The following BNIP1 variants were observed in gnomAD, a reference collection of about 807,000 sequenced individuals.
BNIP1 encodes the protein BCL2 interacting protein 1, also known as vesicle transport protein SEC20.
BNIP1 carries 25 observed loss-of-function variants against 28.5 expected under a neutral mutation model. The observed-to-expected ratio is 0.88, with a 90% CI of 0.64 to 1.23. The LOEUF is 1.23. BNIP1 is among the 50% of genes most tolerant of loss of function. BNIP1 has a pLI of 0.00. For synonymous variants in BNIP1, 118 were observed against 101.7 expected, an observed-to-expected ratio of 1.16 and a Z score of -0.96; for missense variants, 276 against 277.0, an observed-to-expected ratio of 1.00 and a Z score of 0.02.
At position 173,151,665 on chromosome 5, in the gene BNIP1, A is replaced by G. The variant is rs1445486250; in HGVS notation, c.178-2657A>G. 6 of 1,613,486 alleles carry G rather than the reference A, an allele frequency of 3.7e-6. No homozygotes were observed. The Admixed American group carries it at 1.0e-4, about 27-fold the overall frequency. Reference sequence around the variant, plus strand: ...CTTTTCTTCAACTCAGCATGACTTCAACTCTCCAACTACACCTGTTACCTT... The same window carrying G: ...CTTTTCTTCAACTCAGCATGACTTCGACTCTCCAACTACACCTGTTACCTT... On this transcript the variant is annotated intron_variant, in intron 2 of 5. Coordinates refer to ENST00000351486, the MANE Select transcript of BNIP1 (RefSeq NM_001205.3).
chr5:173,144,835 T>C, intron 1 of BNIP1: 1 of 561,256 alleles, frequency 1.8e-6, no homozygotes, highest in Admixed American at 3.2e-5. Flanking sequence ...TGCCGCCGGA[T>C]CTCCCATCCC....
chr5:173,154,720 G>A (rs573320770), intron 3 of BNIP1, among the ~76,000 whole-genome samples: 2 of 152,102 alleles, frequency 1.3e-5, no homozygotes, highest in East Asian at 1.9e-4. Context: ...ACAGAGTTTC[G>A]CTGTGTTGGC....
chr5:173,160,128 G>T (rs1180657209), intron 5 of BNIP1, 77 bp downstream of exon 5: 8 of 1,354,590 alleles, frequency 5.9e-6, no homozygotes, highest in Non-Finnish European at 7.2e-6. Flanking sequence ...CTCCACTCTG[G>T]GCTCCTCCAC....
intron 3 of BNIP1, among the ~76,000 whole-genome samples, chr5:173,155,871 G>T (rs1760172356): frequency 6.6e-6 from 1 of 151,928 alleles, no homozygotes; most frequent in Non-Finnish European, 1.5e-5. Context: ...ACACTCCACC[G>T]TGCCTGGCTA....
At chr5:173,159,551 C>A (rs1413948126) in intron 4 of BNIP1, among the ~76,000 whole-genome samples, 1 of 151,112 alleles carries the variant, frequency 6.6e-6, no homozygotes. Flanking sequence ...AATACAATTC[C>A]CTGTGTGTGT....
rs1760313096 is a variant in BNIP1, at chr5:173,159,966, C to T, written c.405C>T (p.Ser135=). The change falls in exon 5 of 6, where the codon TCC becomes TCT. Residue 135 remains serine (S), a synonymous_variant. Coordinates refer to ENST00000351486, the MANE Select transcript of BNIP1 (RefSeq NM_001205.3). The stretch of plus-strand genomic sequence containing the variant: ...CCAAAGAGAGCCTGGCCCAGACATC[C>T]AGTACCATCACTGAGAGCCTCATGG... ...KTTKESLAQT[S]STITESLMGI... The T allele has an allele frequency of 6.2e-7, 1 of 1,614,174 alleles. No homozygotes were observed. The highest frequency in any genetic ancestry group is 8.5e-7 in the Non-Finnish European group (1 of 1,180,028).
intron 1 of BNIP1, among the ~76,000 whole-genome samples, chr5:173,146,614 A>G (rs1000785946): frequency 6.6e-6 from 1 of 152,222 alleles, no homozygotes; most frequent in African/African-American, 2.4e-5. Flanking sequence ...TTTAGGCACT[A>G]AAAATTAGGT....
intron 5 of BNIP1, chr5:173,161,745 G>C (rs1041882857): frequency 4.6e-5 from 7 of 152,226 alleles, no homozygotes; most frequent in African/African-American, 1.4e-4. Context: ...TTGCAGTTGG[G>C]GGGAGGGGGA....
intron 5 of BNIP1, chr5:173,161,865 G>C (rs1488167863): frequency 1.3e-5 from 2 of 152,108 alleles, no homozygotes; most frequent in Non-Finnish European, 2.9e-5. Flanking sequence ...TAATAATAAA[G>C]TTTAAAAAGA....
intron 2 of BNIP1, among the ~76,000 whole-genome samples, chr5:173,150,386 A>T (rs1012365776): frequency 1.3e-5 from 2 of 152,030 alleles, no homozygotes; most frequent in Non-Finnish European, 2.9e-5. Flanking sequence ...GGCCAGTTGG[A>T]CCCCTGAGAA....
At chr5:173,146,997 C>G in intron 2 of BNIP1, 39 bp downstream of exon 2, 1 of 1,515,166 alleles carries the variant, frequency 6.6e-7, no homozygotes, top group African/African-American at 1.4e-5. Flanking sequence ...GGGGCTCTGT[C>G]CTGGGTATAT....
At chr5:173,159,184 C>T (rs957962537) in intron 4 of BNIP1, among the ~76,000 whole-genome samples, 13 of 152,040 alleles carry the variant, frequency 8.6e-5, no homozygotes, top group African/African-American at 2.7e-4. Flanking sequence ...ATTACAGTTG[C>T]GTGCCACTGC....
chr5:173,151,566 C>A, intron 2 of BNIP1: 1 of 1,583,398 alleles, frequency 6.3e-7, no homozygotes, highest in Non-Finnish European at 8.5e-7. Context: ...TTTTTTTTAG[C>A]CAGTTCTCTA....
At chr5:173,154,556 T>G (rs1341691812) in intron 3 of BNIP1, 143 bp downstream of exon 3, 1 of 643,298 alleles carries the variant, frequency 1.6e-6, no homozygotes, top group South Asian at 2.2e-5. Flanking sequence ...GGTGTCTCGC[T>G]CTATTGCCCA....
chr5:173,152,971 GTATAATGCTATCTTTAAT>G (rs1187651523), intron 2 of BNIP1, among the ~76,000 whole-genome samples: 7 of 152,106 alleles, frequency 4.6e-5, no homozygotes, highest in Non-Finnish European at 8.8e-5. Flanking sequence ...AATGTGATTG[GTATAATGCTATCTTTAAT>G]TATAGTCCCT....
At chr5:173,151,628 T>G (rs1303475061) in intron 2 of BNIP1, 18 of 1,613,938 alleles carry the variant, frequency 1.1e-5, no homozygotes, top group Non-Finnish European at 1.5e-5. Context: ...AGCTAACTTA[T>G]TCCCTGACAG....
intron 3 of BNIP1, among the ~76,000 whole-genome samples, chr5:173,154,820 C>T (rs931934839): frequency 2.6e-5 from 4 of 152,178 alleles, no homozygotes; most frequent in African/African-American, 9.7e-5. Context: ...CCACGCCCAG[C>T]CAATTGCATC....
At chr5:173,149,643 T>TA (rs1759957864) in intron 2 of BNIP1, among the ~76,000 whole-genome samples, 2 of 152,038 alleles carry the variant, frequency 1.3e-5, no homozygotes, top group Admixed American at 1.3e-4. Flanking sequence ...GTAATTTATT[T>TA]AAAAAAATGG....
intron 4 of BNIP1, 66 bp from the exon 5 acceptor site, chr5:173,159,867 G>A (rs1033323473): frequency 4.0e-5 from 52 of 1,290,516 alleles, no homozygotes; most frequent in Middle Eastern, 1.9e-4. Flanking sequence ...TCATTTGGAT[G>A]TGGGGCCTTC....
Sources: gnomAD v4.1 joint callset for allele counts (sites outside exome capture counted in the v4.1 genomes callset) on GRCh38, gnomAD v4.1.1 for gene constraint, MANE v1.5 for transcripts, NCBI Gene and HGNC (gene_info 2026-07-23, HGNC 2026-07-21) for gene names.